The following BRWD1 variants were observed in gnomAD, a reference collection of about 807,000 sequenced individuals.
BRWD1 encodes bromodomain and WD repeat-containing protein 1.
BRWD1 carries 82 observed loss-of-function variants against 251.2 expected under a neutral mutation model. That is an observed-to-expected ratio of 0.33 (90% confidence interval 0.27 to 0.39). The LOEUF (loss-of-function observed/expected upper bound fraction) is 0.39, where lower values mean the gene tolerates loss of function less well. Among genes scored for constraint, BRWD1 ranks in the 10% least tolerant of loss-of-function variants. BRWD1 has a pLI of 1.00. For synonymous variants in BRWD1, 918 were observed against 902.8 expected (o/e 1.02, Z -0.30); for missense variants, 2,233 against 2,711.6 (o/e 0.82, Z 3.92).
chr21:39,212,789 A>AT, intron 33 of BRWD1, 82 bp from the exon 34 acceptor site: 3 of 1,027,792 alleles, frequency 2.9e-6, no homozygotes, highest in Non-Finnish European at 4.4e-6. Flanking sequence ...AACATATCAA[A>AT]GACATTTGGT....
At position 39,222,840 on chromosome 21, in the gene BRWD1, ATTTAC is replaced by A. The variant is rs972144755; in HGVS notation, c.3382+1563_3382+1567del. On this transcript the variant is annotated intron_variant, in intron 29 of 40. Coordinates refer to ENST00000342449, the MANE Select transcript of BRWD1 (RefSeq NM_033656.4). ...GGACACTAATTATAATGGAAAAAGT[ATTTAC>A]TTTACACTGGAGAAACCTGACACAT... 7.2e-5 allele frequency among the ~76,000 whole-genome samples: 11 copies of A among 152,328 alleles called. No individual in the cohort carries two copies. In the East Asian group the frequency reaches 1.7e-3, roughly 24 times the overall value.
Position 39,238,463 on chromosome 21 carries a change from C to T in BRWD1, c.2576+16G>A, listed in dbSNP as rs747785081. 2 of 1,593,240 alleles carry T rather than the reference C, an allele frequency of 1.3e-6. No homozygotes were observed. Among genetic ancestry groups the T allele is most frequent in the Admixed American group, 1.7e-5 (1 of 59,862 alleles). ...GACTAAAATGCTTAAAAGACCACAA[C>T]AATAAAAACAGATACCTTGAACTTT... On this transcript the variant is annotated intron_variant, in intron 22 of 40. Transcript: ENST00000342449.
At chr21:39,309,441 G>A (rs2036395527) in intron 4 of BRWD1, among the ~76,000 whole-genome samples, 1 of 152,146 alleles carries the variant, frequency 6.6e-6, no homozygotes, top group African/African-American at 2.4e-5. Context: ...CTGGGTAATA[G>A]AGTGAGACCC....
chr21:39,225,008 A>G, intron 28 of BRWD1, 78 bp downstream of exon 28: 1 of 1,107,030 alleles, frequency 9.0e-7, no homozygotes, highest in Admixed American at 1.9e-5. Context: ...TTTTTTAAAA[A>G]CCAGAAATGT....
chr21:39,188,055 A>ATGC lies in BRWD1; in HGVS notation c.*8201_*8203dup. On this transcript the variant is annotated 3_prime_UTR_variant, in exon 41 of 41. Coordinates refer to ENST00000342449, the MANE Select transcript of BRWD1 (RefSeq NM_033656.4). ...CACTGGAGCTCTACACAGCCACATGATGCCAGAGCTACTACTCCGTGCTGA... is the reference window on the plus strand; with the variant it reads ...CACTGGAGCTCTACACAGCCACATGATGCTGCCAGAGCTACTACTCCGTGCTGA... The ATGC allele has an allele frequency of 1.0e-6, 1 of 985,436 alleles. No individual in the cohort carries two copies. Among genetic ancestry groups the ATGC allele is most frequent in the Non-Finnish European group, 1.2e-6 (1 of 829,918 alleles). The allele number at this position is 985,436 out of a possible 1,614,324, so 61.0% of individuals were successfully genotyped here. A position where few individuals can be genotyped will look rare whatever the true frequency, so the allele number is the denominator to read the frequency against.
At position 39,187,078 on chromosome 21, in the gene BRWD1, C is replaced by G; in HGVS notation, c.*9181G>C. The G allele has an allele frequency of 6.3e-7, 1 of 1,593,266 alleles. No homozygotes were observed. The highest frequency in any genetic ancestry group is 1.2e-5 in the South Asian group (1 of 86,254). On this transcript the variant is annotated 3_prime_UTR_variant, in exon 41 of 41. Coordinates refer to ENST00000342449, the MANE Select transcript of BRWD1 (RefSeq NM_033656.4). ...GAACCCCCTTAAAAAAAGCATTTTT[C>G]TATTAATATCTTCTAGCTCTTTTTC... is the stretch of plus-strand genomic sequence containing the variant.
chr21:39,248,297 C>A (rs1374663503), intron 20 of BRWD1, among the ~76,000 whole-genome samples: 1 of 152,010 alleles, frequency 6.6e-6, no homozygotes, highest in African/African-American at 2.4e-5. Flanking sequence ...TACCATCTCA[C>A]ACTAGTCAGA....
chr21:39,311,070 A>G (rs765738021), intron 4 of BRWD1, among the ~76,000 whole-genome samples: 4 of 150,810 alleles, frequency 2.7e-5, no homozygotes, highest in Non-Finnish European at 5.9e-5. Context: ...GTCATAGCCA[A>G]ATCACAGCCA....
At chr21:39,206,956 C>G (rs74645596) in intron 36 of BRWD1, among the ~76,000 whole-genome samples, 2,312 of 152,192 alleles carry the variant, frequency 0.015, 49 homozygotes, top group African/African-American at 0.05. Flanking sequence ...AAATATAATT[C>G]TTGTGCATGG....
At chr21:39,211,231 C>T (rs1453789285) in intron 34 of BRWD1, among the ~76,000 whole-genome samples, 1 of 152,040 alleles carries the variant, frequency 6.6e-6, no homozygotes. Context: ...TATTTGTTTT[C>T]GCAGAATATG....
chr21:39,257,958 T>G (rs2034615270), intron 18 of BRWD1, among the ~76,000 whole-genome samples: 1 of 152,252 alleles, frequency 6.6e-6, no homozygotes, highest in East Asian at 1.9e-4. Context: ...AGAAAAAAAG[T>G]ACTATTTTAA....
chr21:39,254,219 C>T (rs139273459), intron 19 of BRWD1, among the ~76,000 whole-genome samples: 6,352 of 152,244 alleles, frequency 0.042, 132 homozygotes, highest in Middle Eastern at 0.092. Flanking sequence ...GAGCCAAGAT[C>T]GTGCCATTGC....
At chr21:39,267,074 A>C (rs1954602555) in intron 15 of BRWD1, among the ~76,000 whole-genome samples, 1 of 152,264 alleles carries the variant, frequency 6.6e-6, no homozygotes, top group African/African-American at 2.4e-5. Flanking sequence ...AACGACAGAA[A>C]AATTGTCCAA....
intron 9 of BRWD1, 119 bp from the exon 10 acceptor site, chr21:39,278,932 G>T: frequency 1.3e-6 from 1 of 766,812 alleles, no homozygotes; most frequent in South Asian, 3.5e-5. Flanking sequence ...ACAGGGTCTC[G>T]CCATGTTGCC....
intron 32 of BRWD1, among the ~76,000 whole-genome samples, chr21:39,214,077 G>A (rs766242656): frequency 2.0e-5 from 3 of 152,080 alleles, no homozygotes; most frequent in African/African-American, 7.2e-5. Context: ...GAACAAGAAG[G>A]TGATTCTGGG....
intron 8 of BRWD1, among the ~76,000 whole-genome samples, chr21:39,285,998 T>TAA (rs1211746818): frequency 7.3e-6 from 1 of 137,716 alleles, no homozygotes; most frequent in Non-Finnish European, 1.6e-5. Context: ...TCACATAACA[T>TAA]AAAACTCACC....
chr21:39,218,404 T>C, intron 30 of BRWD1, 101 bp downstream of exon 30: 1 of 1,435,440 alleles, frequency 7.0e-7, no homozygotes, highest in Non-Finnish European at 9.3e-7. Flanking sequence ...CAATACAAAG[T>C]GTAGAAAAGA....
At chr21:39,207,133 C>CTT (rs2032430668) in intron 36 of BRWD1, among the ~76,000 whole-genome samples, 1 of 152,016 alleles carries the variant, frequency 6.6e-6, no homozygotes, top group Non-Finnish European at 1.5e-5. Context: ...TTCAGTATTT[C>CTT]ATATATATAA....
intron 36 of BRWD1, among the ~76,000 whole-genome samples, chr21:39,206,517 T>C (rs751680247): frequency 3.3e-5 from 5 of 152,232 alleles, no homozygotes; most frequent in African/African-American, 9.6e-5. Flanking sequence ...TCAGGACTTG[T>C]GTCTATATGT....
Sources: gnomAD v4.1 joint callset for allele counts (sites outside exome capture counted in the v4.1 genomes callset) on GRCh38, gnomAD v4.1.1 for gene constraint, MANE v1.5 for transcripts, NCBI Gene and HGNC (gene_info 2026-07-23, HGNC 2026-07-21) for gene names.